The following RORA variants were observed in gnomAD, a reference collection of about 807,000 sequenced individuals.
RORA encodes nuclear receptor ROR-alpha.
Under a neutral mutation model 69.5 loss-of-function variants are expected in RORA, and 7 were observed. The ratio of observed to expected loss-of-function variants is 0.10; its 90% CI spans 0.06 to 0.19. RORA has a LOEUF of 0.19. RORA is among the 10% of genes least tolerant of loss of function. RORA has a pLI of 1.00. For synonymous variants in RORA, 261 were observed against 240.8 expected, an observed-to-expected ratio of 1.08 and a Z score of -0.78; for missense variants, 457 against 663.0, an observed-to-expected ratio of 0.69 and a Z score of 3.41.
At chr15:60,735,332 T>A (rs563494517) in intron 1 of RORA, among the ~76,000 whole-genome samples, 1 of 152,350 alleles carries the variant, frequency 6.6e-6, no homozygotes, top group Middle Eastern at 3.4e-3. Flanking sequence ...GTTGTTTTTT[T>A]ATATAATATT....
intron 1 of RORA, among the ~76,000 whole-genome samples, chr15:60,721,240 C>T (rs1409880337): frequency 6.6e-6 from 1 of 152,154 alleles, no homozygotes; most frequent in African/African-American, 2.4e-5. Flanking sequence ...TAAGCTGCAC[C>T]AATTGCCGGG....
At chr15:61,057,506 T>G (rs961863041) in intron 1 of RORA, among the ~76,000 whole-genome samples, 1 of 152,222 alleles carries the variant, frequency 6.6e-6, no homozygotes, top group Admixed American at 6.5e-5. Context: ...TGAAAGCACA[T>G]GAAATTTGGA....
At chr15:60,656,516 C>CT (rs35053324) in intron 2 of RORA, among the ~76,000 whole-genome samples, 7 of 151,602 alleles carry the variant, frequency 4.6e-5, no homozygotes, top group Non-Finnish European at 8.8e-5. Flanking sequence ...CCCTGAGATT[C>CT]TTTTTTTTTC....
At chr15:60,715,655 T>A (rs766984144) in intron 1 of RORA, among the ~76,000 whole-genome samples, 33 of 152,208 alleles carry the variant, frequency 2.2e-4, no homozygotes, top group Non-Finnish European at 4.3e-4. Context: ...CAATTGGGGT[T>A]CCTTTAGCTT....
chr15:60,985,627 G>A (rs1387689931), intron 1 of RORA, among the ~76,000 whole-genome samples: 1 of 120,846 alleles, frequency 8.3e-6, no homozygotes, highest in Non-Finnish European at 1.6e-5. Flanking sequence ...ACTCTGTCAC[G>A]AGGCTGGAGT....
intron 5 of RORA, among the ~76,000 whole-genome samples, chr15:60,509,276 A>G (rs576481036): frequency 2.0e-5 from 3 of 152,204 alleles, no homozygotes; most frequent in Non-Finnish European, 4.4e-5. Context: ...TTCCAGATAA[A>G]TGCTAGTTTA....
intron 1 of RORA, among the ~76,000 whole-genome samples, chr15:60,942,169 A>G (rs1892719005): frequency 6.6e-6 from 1 of 152,166 alleles, no homozygotes; most frequent in Non-Finnish European, 1.5e-5. Context: ...CATAAACGTA[A>G]CTATCTATGG....
chr15:60,922,973 T>C (rs114248813), intron 1 of RORA, among the ~76,000 whole-genome samples: 340 of 152,346 alleles, frequency 2.2e-3, no homozygotes, highest in African/African-American at 7.9e-3. Flanking sequence ...CAAGGTGTGA[T>C]ATCTGGTGTC....
intron 1 of RORA, among the ~76,000 whole-genome samples, chr15:61,167,235 A>T (rs2079545946): frequency 6.6e-6 from 1 of 151,538 alleles, no homozygotes; most frequent in African/African-American, 2.4e-5. Context: ...ACTTTAAAAG[A>T]TTTTTTTTTC....
chr15:61,227,083 C>G (rs2080152030), intron 1 of RORA, among the ~76,000 whole-genome samples: 1 of 152,062 alleles, frequency 6.6e-6, no homozygotes, highest in South Asian at 2.1e-4. Flanking sequence ...CTTGCAAGAA[C>G]ACCTTCTGGC....
At chr15:60,558,850 G>A (rs2067448961) in intron 2 of RORA, among the ~76,000 whole-genome samples, 1 of 140,010 alleles carries the variant, frequency 7.1e-6, no homozygotes, top group Non-Finnish European at 1.5e-5. Context: ...GGCTTTGACT[G>A]TGCCAATCTC....
intron 1 of RORA, among the ~76,000 whole-genome samples, chr15:61,017,920 T>A (rs1244643745): frequency 6.6e-6 from 1 of 152,158 alleles, no homozygotes. Flanking sequence ...TGAGCGGAAG[T>A]TTACCTTTAT....
intron 1 of RORA, among the ~76,000 whole-genome samples, chr15:61,148,373 C>T (rs1367823475): frequency 6.6e-6 from 1 of 152,248 alleles, no homozygotes; most frequent in East Asian, 1.9e-4. Context: ...AAGATGGTGC[C>T]GGAATTCTGC....
intron 1 of RORA, among the ~76,000 whole-genome samples, chr15:61,065,749 T>C (rs550551439): frequency 4.7e-4 from 71 of 152,314 alleles, no homozygotes; most frequent in African/African-American, 1.7e-3. Context: ...ACTGCAACAC[T>C]GGGAGAGAAA....
At chr15:60,616,079 C>G (rs2069233725) in intron 2 of RORA, among the ~76,000 whole-genome samples, 1 of 152,200 alleles carries the variant, frequency 6.6e-6, no homozygotes, top group South Asian at 2.1e-4. Flanking sequence ...TAAAATACCT[C>G]AAATTTTGTC....
chr15:61,018,120 A>G (rs1404379356), intron 1 of RORA, among the ~76,000 whole-genome samples: 2 of 152,210 alleles, frequency 1.3e-5, no homozygotes, highest in Non-Finnish European at 2.9e-5. Flanking sequence ...ATACTTTGTT[A>G]GCCCCTTATA....
At chr15:60,803,130 A>G (rs183085803) in intron 1 of RORA, among the ~76,000 whole-genome samples, 2 of 152,280 alleles carry the variant, frequency 1.3e-5, no homozygotes, top group Admixed American at 1.3e-4. Context: ...GCCATAAATC[A>G]CCCTTAGGAA....
At chr15:60,774,960 G>A (rs1001022983) in intron 1 of RORA, among the ~76,000 whole-genome samples, 1 of 152,156 alleles carries the variant, frequency 6.6e-6, no homozygotes, top group Non-Finnish European at 1.5e-5. Context: ...CTTCCTTTGT[G>A]ACTGATATTT....
In RORA at chr15:60,859,474, C is replaced by CT. The variant is rs3053901; in HGVS notation, c.167-180789dup. 9.1e-3 allele frequency among the ~76,000 whole-genome samples: 1,231 copies of CT among 135,424 alleles called. 7 individuals carry two copies. The highest frequency in any genetic ancestry group is 0.02 in the Middle Eastern group (5 of 254). 88.8% of individuals were successfully genotyped at this position (135,424 alleles called of 152,430 possible). On this transcript the variant is annotated intron_variant, in intron 1 of 10. Coordinates refer to ENST00000335670, the MANE Select transcript of RORA (RefSeq NM_134261.3). ...CTTACTGAATCTGAATTTTCTTTGC[C>CT]TTTTTTTTTTTTTTTTTTGAGACAG...
Sources: allele counts gnomAD v4.1 joint callset (sites outside exome capture counted in the v4.1 genomes callset), GRCh38; gene constraint gnomAD v4.1.1; transcripts MANE v1.5; gene names NCBI Gene and HGNC (gene_info 2026-07-23, HGNC 2026-07-21).